TRAPPC9: variants seen among roughly 807,000 people sequenced by gnomAD.
The protein encoded by TRAPPC9 is IKK2 binding protein.
TRAPPC9 carries 83 observed loss-of-function variants against 124.0 expected under a neutral mutation model. The observed-to-expected ratio is 0.67, with a 90% CI of 0.56 to 0.80. TRAPPC9 has a LOEUF of 0.80. TRAPPC9 is among the 30% of genes least tolerant of loss of function. The pLI is 0.00. For missense variants in TRAPPC9, 1,302 were observed against 1,508.3 expected (o/e 0.86, Z 2.27); for synonymous variants, 638 against 617.5 (o/e 1.03, Z -0.49).
At chr8:140,435,782 C>T (rs1011603207) in intron 3 of TRAPPC9, among the ~76,000 whole-genome samples, 1 of 152,206 alleles carries the variant, frequency 6.6e-6, no homozygotes, top group African/African-American at 2.4e-5. Flanking sequence ...TATTAACTCG[C>T]TACACAGTCC....
At chr8:140,123,226 C>G (rs1430729172) in intron 17 of TRAPPC9, among the ~76,000 whole-genome samples, 2 of 152,182 alleles carry the variant, frequency 1.3e-5, no homozygotes, top group Non-Finnish European at 2.9e-5. Context: ...ACAGTCACGT[C>G]CGCCATGACA....
intron 10 of TRAPPC9, among the ~76,000 whole-genome samples, chr8:140,303,154 G>C (rs921807379): frequency 6.6e-6 from 1 of 152,122 alleles, no homozygotes; most frequent in Non-Finnish European, 1.5e-5. Context: ...AGTTTTAAAC[G>C]TATCAAAGCA....
intron 11 of TRAPPC9, among the ~76,000 whole-genome samples, chr8:140,293,782 G>A (rs2065730198): frequency 2.6e-5 from 4 of 152,056 alleles, no homozygotes; most frequent in Non-Finnish European, 5.9e-5. Flanking sequence ...AAGTTAATGG[G>A]TGCAGCGCAC....
intron 19 of TRAPPC9, among the ~76,000 whole-genome samples, chr8:139,969,787 T>C (rs1447955132): frequency 6.6e-6 from 1 of 152,228 alleles, no homozygotes; most frequent in Non-Finnish European, 1.5e-5. Flanking sequence ...ATTGTGTCTA[T>C]CTTGGGGAGT....
chr8:140,128,553 T>C (rs1425621509), intron 17 of TRAPPC9, among the ~76,000 whole-genome samples: 1 of 152,246 alleles, frequency 6.6e-6, no homozygotes, highest in Non-Finnish European at 1.5e-5. Flanking sequence ...TTCATTCTCT[T>C]TGAGAGAAGT....
intron 21 of TRAPPC9, among the ~76,000 whole-genome samples, chr8:139,832,791 G>T (rs1375147434): frequency 6.6e-6 from 1 of 152,136 alleles, no homozygotes; most frequent in African/African-American, 2.4e-5. Context: ...GGAGCTCCAA[G>T]ATGACCCCCG....
At chr8:139,889,726 G>T (rs1830218584) in intron 20 of TRAPPC9, among the ~76,000 whole-genome samples, 1 of 152,202 alleles carries the variant, frequency 6.6e-6, no homozygotes, top group African/African-American at 2.4e-5. Context: ...CCATAATCAG[G>T]AACAGAGAAC....
chr8:140,298,907 C>T (rs534909371), intron 11 of TRAPPC9, among the ~76,000 whole-genome samples: 50 of 152,348 alleles, frequency 3.3e-4, no homozygotes, highest in Middle Eastern at 3.4e-3. Context: ...ACAGCAGCTG[C>T]ACACAGCCTG....
intron 19 of TRAPPC9, among the ~76,000 whole-genome samples, chr8:139,927,724 G>A (rs181761646): frequency 3.9e-5 from 6 of 152,172 alleles, no homozygotes; most frequent in South Asian, 2.1e-4. Flanking sequence ...ATCAACAGGC[G>A]AATGCATACA....
In TRAPPC9 at chr8:139,907,294, G is replaced by A. The variant is rs1440164367; in HGVS notation, c.2964+2853C>T. 1.3e-5 allele frequency among the ~76,000 whole-genome samples: 2 copies of A among 152,124 alleles called. No individual in the cohort carries two copies. Among genetic ancestry groups the A allele is most frequent in the South Asian group, 2.1e-4 (1 of 4,818 alleles). On this transcript the variant is annotated intron_variant, in intron 20 of 22. Transcript: ENST00000438773. This position sits in a 1 kb window ranked among gnomAD's most constrained non-coding sequence, Gnocchi z 4.7. ...AAAACGCATCTATCCAGACCCATGC[G>A]CTACAGGTGGGCAACTGCTACAACT...
intron 18 of TRAPPC9, among the ~76,000 whole-genome samples, chr8:139,990,982 G>A (rs1837605558): frequency 1.3e-5 from 2 of 152,178 alleles, no homozygotes; most frequent in Non-Finnish European, 2.9e-5. Context: ...TTTTCTGGGT[G>A]GGGCTGCCTT....
chr8:139,876,594 T>C (rs564924163), intron 21 of TRAPPC9, among the ~76,000 whole-genome samples: 1 of 152,204 alleles, frequency 6.6e-6, no homozygotes, highest in Non-Finnish European at 1.5e-5. Flanking sequence ...AAGGCAGGGA[T>C]TGAGTTTATT....
chr8:140,009,888 T>C (rs1406189994), intron 18 of TRAPPC9, among the ~76,000 whole-genome samples: 1 of 152,188 alleles, frequency 6.6e-6, no homozygotes, highest in East Asian at 1.9e-4. Context: ...CCTAGGACAG[T>C]GCTTCGCAGA....
chr8:140,259,623 T>G (rs1187020124), intron 15 of TRAPPC9, among the ~76,000 whole-genome samples: 1 of 152,354 alleles, frequency 6.6e-6, no homozygotes, highest in East Asian at 1.9e-4. Context: ...CAGCTTAGAA[T>G]AAGTACTCAA....
intron 16 of TRAPPC9, among the ~76,000 whole-genome samples, chr8:140,226,754 A>G (rs2063463163): frequency 6.6e-6 from 1 of 152,164 alleles, no homozygotes. Context: ...GGAACCAACT[A>G]AAAAACTCAA....
intron 9 of TRAPPC9, among the ~76,000 whole-genome samples, chr8:140,338,483 T>C (rs1435131550): frequency 6.6e-6 from 1 of 152,190 alleles, no homozygotes; most frequent in Non-Finnish European, 1.5e-5. Flanking sequence ...ACAGGTTGAA[T>C]CGTGTCCCCT....
intron 19 of TRAPPC9, among the ~76,000 whole-genome samples, chr8:139,977,251 G>A (rs1455930949): frequency 6.6e-6 from 1 of 151,964 alleles, no homozygotes; most frequent in Non-Finnish European, 1.5e-5. Context: ...CAAATGAAAC[G>A]GCCCCATCAC....
chr8:139,929,408 C>T (rs1415547574), intron 19 of TRAPPC9, among the ~76,000 whole-genome samples: 1 of 152,000 alleles, frequency 6.6e-6, no homozygotes, highest in Non-Finnish European at 1.5e-5. Context: ...ATGCCGTTCT[C>T]AAACACAGCA....
At chr8:140,275,537 T>G in intron 15 of TRAPPC9, 121 bp downstream of exon 15, 1 of 1,132,974 alleles carries the variant, frequency 8.8e-7, no homozygotes, top group South Asian at 1.3e-5. Context: ...TGACTTCTAC[T>G]GACTTCAACT....
Sources: allele counts gnomAD v4.1 joint callset (sites outside exome capture counted in the v4.1 genomes callset), GRCh38; gene constraint gnomAD v4.1.1; non-coding constraint Gnocchi (gnomAD v3.1); transcripts MANE v1.5; gene names NCBI Gene and HGNC (gene_info 2026-07-23, HGNC 2026-07-21).